The following COL4A1 variants were observed in gnomAD, a reference collection of about 807,000 sequenced individuals.
The protein encoded by COL4A1 is collagen alpha-1(IV) chain.
A neutral mutation model predicts 216.6 loss-of-function variants in COL4A1; 40 were observed. The ratio of observed to expected loss-of-function variants is 0.18; its 90% CI spans 0.14 to 0.24. The LOEUF (loss-of-function observed/expected upper bound fraction) is 0.24, where lower values mean the gene tolerates loss of function less well. Ranked by LOEUF, COL4A1 falls within the 10% of genes least tolerant of loss-of-function variation. The pLI is 1.00. For missense variants in COL4A1, 1,628 were observed against 2,196.8 expected, an observed-to-expected ratio of 0.74 and a Z score of 5.18; for synonymous variants, 839 against 810.7, an observed-to-expected ratio of 1.03 and a Z score of -0.59.
chr13:110,170,418 G>A (rs1877581936), intron 42 of COL4A1, 129 bp downstream of exon 42: 4 of 1,004,904 alleles, frequency 4.0e-6, no homozygotes, highest in Non-Finnish European at 4.4e-6. Context: ...ACAATTTCAA[G>A]CTGTAATAAA....
At chr13:110,277,869 A>G (rs1020585456) in intron 1 of COL4A1, among the ~76,000 whole-genome samples, 1 of 152,158 alleles carries the variant, frequency 6.6e-6, no homozygotes, top group Non-Finnish European at 1.5e-5. Flanking sequence ...AGATTTCCCA[A>G]TCTCCACTTG....
intron 22 of COL4A1, among the ~76,000 whole-genome samples, chr13:110,193,296 C>A (rs1594567299): frequency 6.6e-6 from 1 of 152,186 alleles, no homozygotes; most frequent in African/African-American, 2.4e-5. Context: ...TGAAAACTAC[C>A]CATCCCCTTT....
chr13:110,167,296 G>C lies in COL4A1; in HGVS notation c.3877-66C>G, dbSNP rs913796665. On this transcript the variant is annotated intron_variant, in intron 43 of 51. Transcript: ENST00000375820. ...GTAGGTTAAGTCTCTCCAGTAACCTGCTAGTTGGAAAATGGAAACAGCCCC... is the reference window on the plus strand; with the variant it reads ...GTAGGTTAAGTCTCTCCAGTAACCTCCTAGTTGGAAAATGGAAACAGCCCC... 6.5e-6 allele frequency: 8 copies of C among 1,228,468 alleles called. No homozygotes were observed. In the African/African-American group the frequency reaches 8.8e-5, roughly 14 times the overall value. 76.1% of individuals were successfully genotyped at this position (1,228,468 alleles called of 1,614,324 possible). A position where few individuals can be genotyped will look rare whatever the true frequency, so the allele number is the denominator to read the frequency against.
intron 2 of COL4A1, among the ~76,000 whole-genome samples, chr13:110,219,078 G>A (rs1880244831): frequency 6.6e-6 from 1 of 152,196 alleles, no homozygotes; most frequent in Non-Finnish European, 1.5e-5. Context: ...GAAAGCTGCG[G>A]TGGGTGCCGC....
At position 110,222,760 on chromosome 13, in the gene COL4A1, C is replaced by A. The variant is rs1204420; in HGVS notation, c.145-8745G>T. Among the ~76,000 whole-genome samples the A allele has an allele frequency of 3.1e-5, 3 of 98,114 alleles. No homozygotes were observed. The South Asian group carries it at 1.2e-3, about 39-fold the overall frequency. 64.4% of individuals were successfully genotyped at this position (98,114 alleles called of 152,430 possible). A position where few individuals can be genotyped will look rare whatever the true frequency, so the allele number is the denominator to read the frequency against. ...TGCACTCCAGCCTGGGCGACAGAGCCAGACTCTGCTTTAAAAAAAAAAAAA... is the reference window on the plus strand; with the variant it reads ...TGCACTCCAGCCTGGGCGACAGAGCAAGACTCTGCTTTAAAAAAAAAAAAA... On this transcript the variant is annotated intron_variant, in intron 2 of 51. Coordinates refer to ENST00000375820, the MANE Select transcript of COL4A1 (RefSeq NM_001845.6).
intron 29 of COL4A1, among the ~76,000 whole-genome samples, chr13:110,180,136 T>C (rs1461348051): frequency 6.6e-6 from 1 of 152,162 alleles, no homozygotes; most frequent in Admixed American, 6.5e-5. Context: ...CAGAAGGAAA[T>C]TCTCAAAATG....
intron 21 of COL4A1, among the ~76,000 whole-genome samples, chr13:110,197,251 G>A (rs1878944353): frequency 7.4e-6 from 1 of 134,708 alleles, no homozygotes; most frequent in Non-Finnish European, 1.5e-5. Context: ...TCCTGCTTAA[G>A]TTTATCCCTG....
chr13:110,227,387 G>GACACACAC (rs373355054), intron 2 of COL4A1, among the ~76,000 whole-genome samples: 83 of 138,770 alleles, frequency 6.0e-4, no homozygotes, highest in South Asian at 1.7e-3. Context: ...GGGTACGGTA[G>GACACACAC]ACACACACAC....
At chr13:110,200,171 C>T (rs192381956) in intron 20 of COL4A1, among the ~76,000 whole-genome samples, 207 of 152,400 alleles carry the variant, frequency 1.4e-3, no homozygotes, top group African/African-American at 4.4e-3. Flanking sequence ...GTGAGCGTTT[C>T]CATCAGACGC....
At chr13:110,195,269 C>G (rs934690728) in intron 21 of COL4A1, 151 bp from the exon 22 acceptor site, 5 of 720,476 alleles carry the variant, frequency 6.9e-6, no homozygotes, top group Non-Finnish European at 1.0e-5. Context: ...CTTAGGCTAT[C>G]CACCACTTGC....
intron 46 of COL4A1, among the ~76,000 whole-genome samples, chr13:110,164,073 C>T (rs1036509632): frequency 5.4e-5 from 8 of 148,642 alleles, no homozygotes; most frequent in Admixed American, 3.4e-4. Flanking sequence ...ACTGCAGCCT[C>T]GACCTCCCGG....
chr13:110,175,140 A>G (rs1046710534), intron 37 of COL4A1, 78 bp downstream of exon 37: 1 of 1,564,266 alleles, frequency 6.4e-7, no homozygotes, highest in East Asian at 2.2e-5. Flanking sequence ...GTGTGCTGAG[A>G]TATTTGCTGA....
chr13:110,230,520 G>A (rs505156), intron 2 of COL4A1, among the ~76,000 whole-genome samples: 135,830 of 151,546 alleles, frequency 0.9, 62,786 homozygotes, highest in East Asian at 1. Flanking sequence ...TTTATAAAGG[G>A]AAGAAGGGTA....
intron 49 of COL4A1, among the ~76,000 whole-genome samples, chr13:110,157,288 G>A (rs1397635644): frequency 6.6e-6 from 1 of 152,240 alleles, no homozygotes; most frequent in East Asian, 1.9e-4. Context: ...AGTCTTGTCT[G>A]CAGAAAGCTA....
intron 24 of COL4A1, among the ~76,000 whole-genome samples, chr13:110,188,329 G>A (rs1043913146): frequency 6.6e-6 from 1 of 152,198 alleles, no homozygotes; most frequent in Non-Finnish European, 1.5e-5. Flanking sequence ...GCTTCTGTGT[G>A]TACAGATGCT....
chr13:110,248,717 T>C (rs1374654537), intron 1 of COL4A1, among the ~76,000 whole-genome samples: 3 of 152,062 alleles, frequency 2.0e-5, no homozygotes, highest in Non-Finnish European at 4.4e-5. Context: ...TGGTTCGAAC[T>C]CCTGGCCTCA....
intron 2 of COL4A1, among the ~76,000 whole-genome samples, chr13:110,227,427 AAC>A (rs34359178): frequency 7.7e-6 from 1 of 130,434 alleles, no homozygotes; most frequent in Non-Finnish European, 1.6e-5. Context: ...CACACACACA[AAC>A]ACACACAAAC....
In COL4A1 at chr13:110,164,945, T is replaced by C. The variant is rs773104949; in HGVS notation, c.4067A>G (p.Lys1356Arg). 16 of 1,605,084 alleles carry C rather than the reference T, an allele frequency of 1.0e-5. No homozygotes were observed. Among genetic ancestry groups the C allele is most frequent in the South Asian group, 9.0e-5 (8 of 89,286 alleles). ...PGPPGPYDII[K>R]GEPGLPGPEG... ...AGGACCAGGGAGCCCGGGCTCCCCT[T>C]TGATGATGTCGTAAGGACCTGGGGG... The change falls in exon 46 of 52, where the codon AAA becomes AGA. Residue 1356 changes from lysine (K) to arginine (R), a missense_variant. By Grantham distance (26) the Lys-to-Arg change is conservative (BLOSUM62 2). Around this residue, in one of 8 missense-constraint regions of COL4A1, gnomAD observed 345 missense variants for 476.9 expected, o/e 0.72. Coordinates refer to ENST00000375820, the MANE Select transcript of COL4A1 (RefSeq NM_001845.6).
intron 50 of COL4A1, 51 bp downstream of exon 50, chr13:110,155,232 G>A: frequency 5.2e-6 from 7 of 1,359,108 alleles, no homozygotes; most frequent in Non-Finnish European, 6.3e-6. Flanking sequence ...GCGACTATGG[G>A]GCGTGAGTGG....
Sources: allele counts gnomAD v4.1 joint callset (sites outside exome capture counted in the v4.1 genomes callset), GRCh38; gene constraint gnomAD v4.1.1; regional missense constraint gnomAD v4.1.1; transcripts MANE v1.5; gene names NCBI Gene and HGNC (gene_info 2026-07-23, HGNC 2026-07-21).